CARD9: variants seen among roughly 807,000 people sequenced by gnomAD.
The protein encoded by CARD9 is caspase recruitment domain family member 9.
CARD9 carries 53 observed loss-of-function variants against 66.0 expected under a neutral mutation model. That is an observed-to-expected ratio of 0.80 (90% CI 0.64 to 1.01). The LOEUF is 1.01. Among genes scored for constraint, CARD9 ranks in the 50% least tolerant of loss-of-function variants. The probability of loss-of-function intolerance (pLI) is 0.00; values close to 1 mark genes in which losing one functional copy is unlikely to be tolerated. For missense variants in CARD9, 769 were observed against 743.2 expected (o/e 1.03, Z -0.40); for synonymous variants, 387 against 313.8 (o/e 1.23, Z -2.47).
intron 2 of CARD9, 95 bp downstream of exon 2, chr9:136,371,800 C>G (rs1000395266): frequency 6.6e-7 from 1 of 1,525,778 alleles, no homozygotes; most frequent in African/African-American, 1.4e-5. Context: ...CGGGGCTCTC[C>G]TGGGGTTGAG....
Position 136,364,415 on chromosome 9 carries a change from T to C in CARD9, c.1512-14A>G. ...AGGGCGCGCTTCCTGTGAAGACAGG[T>C]GTCTCAGGCGCGACCCGGCTGCCGC... On this transcript the variant is annotated splice_polypyrimidine_tract_variant and intron_variant, in intron 12 of 12. Coordinates refer to ENST00000371732, the MANE Select transcript of CARD9 (RefSeq NM_052813.5). 3.2e-6 allele frequency: 5 copies of C among 1,545,274 alleles called. No homozygotes were observed. The highest frequency in any genetic ancestry group is 4.4e-6 in the Non-Finnish European group (5 of 1,148,212).
Position 136,364,372 on chromosome 9 carries a change from C to A in CARD9, c.1541G>T (p.Gly514Val). Residue 514 changes from glycine (G) to valine (V), a missense_variant, in exon 13 of 13, where the codon GGA becomes GTA. By Grantham distance (109) the Gly-to-Val change is moderately radical. Coordinates refer to ENST00000371732, the MANE Select transcript of CARD9 (RefSeq NM_052813.5). ...CCGGTCCTCCTCCCCCTGCCGCCAT[C>A]CTTTCTGCATCTTCCTGAGGGCGCG... is the stretch of plus-strand genomic sequence containing the variant. The part of the protein sequence containing the change: ...RKRALRKMQK[G>V]WRQGEEDREN... 1 of 1,567,234 alleles carries A rather than the reference C, an allele frequency of 6.4e-7. No individual in the cohort carries two copies. The highest frequency in any genetic ancestry group is 1.2e-5 in the South Asian group (1 of 85,658).
In CARD9 at chr9:136,365,153, CA is replaced by C; in HGVS notation, c.1421del (p.Leu474CysfsTer9). On this transcript the variant is annotated frameshift_variant, in exon 11 of 13. Transcript: ENST00000371732. LOFTEE classifies it high-confidence loss of function. The part of the protein sequence containing the change: ...PFAALHQEQV[L>X]RNPHDAGLSS... ...GGGGAAGCCTTACATGGGGGTTCCG[CA>C]AAACCTGCTCCTGGTGCAGAGCTGC... 6.2e-7 allele frequency: 1 copy of C among 1,612,186 alleles called. No homozygotes were observed.
intron 2 of CARD9, 67 bp from the exon 3 acceptor site, chr9:136,371,528 C>T: frequency 1.2e-5 from 8 of 690,198 alleles, no homozygotes; most frequent in Admixed American, 4.7e-5. Context: ...GTGGGTGGGC[C>T]TGGGGGCAGG....
chr9:136,367,094 A>ACCCAG (rs2131436557), intron 9 of CARD9, 122 bp downstream of exon 9: 3 of 1,256,316 alleles, frequency 2.4e-6, no homozygotes, highest in African/African-American at 1.5e-5. Flanking sequence ...CTCTTCCTCC[A>ACCCAG]CCCAGCCCAG....
At position 136,367,733 on chromosome 9, in the gene CARD9, C is replaced by T. The variant is rs1833158683; in HGVS notation, c.1173G>A (p.Lys391=). The T allele has an allele frequency of 1.9e-6, 3 of 1,605,624 alleles. 1 individual carries two copies. The Middle Eastern group carries it at 5.0e-4, about 265-fold the overall frequency. ...ACACCTGCAGCTGCAGCTCATCCGC[C>T]TTCTCGCCCAGCTCCCGCACCTGCT... ...LRKQVRELGE[K]ADELQLQVFQ... Residue 391 remains lysine (K), a synonymous_variant, in exon 8 of 13, where the codon AAG becomes AAA. Coordinates refer to ENST00000371732, the MANE Select transcript of CARD9 (RefSeq NM_052813.5).
chr9:136,366,379 C>T (rs959905369), intron 10 of CARD9: 1 of 223,278 alleles, frequency 4.5e-6, no homozygotes, highest in East Asian at 1.1e-4. Context: ...CATCTTCTAG[C>T]TTCATGCACC....
chr9:136,366,635 G>A (rs1204606871), intron 10 of CARD9, 165 bp downstream of exon 10: 2 of 753,540 alleles, frequency 2.7e-6, no homozygotes, highest in Non-Finnish European at 4.6e-6. Context: ...TTGTTCTCTA[G>A]GTGACCTTGA....
chr9:136,371,427 G>A lies in CARD9; in HGVS notation c.219C>T (p.His73=). The A allele has an allele frequency of 6.3e-7, 1 of 1,585,424 alleles. No homozygotes were observed. The highest frequency in any genetic ancestry group is 8.6e-7 in the Non-Finnish European group (1 of 1,165,466). The change falls in exon 3 of 13, where the codon CAC becomes CAT. Residue 73 remains histidine (H), a synonymous_variant. Transcript: ENST00000371732. ...TCTCGAGGAAGGCCACGTAGCCCTT[G>A]TGGCCGGTCCGCTGCAGGATGTCCA... is the stretch of plus-strand genomic sequence containing the variant. ...VLLDILQRTG[H]KGYVAFLESL... is the part of the protein sequence containing the mutation.
At position 136,369,739 on chromosome 9, in the gene CARD9, C is replaced by A; in HGVS notation, c.1077+11G>T. ...AGTGGGGTGCTTTGTCCTGCCCCTG[C>A]GAGTGCCCACCTGGTCCCGCTCAAT... On this transcript the variant is annotated intron_variant, in intron 7 of 12. Transcript: ENST00000371732. The A allele has an allele frequency of 6.3e-7, 1 of 1,587,500 alleles. No homozygotes were observed. Among genetic ancestry groups the A allele is most frequent in the Non-Finnish European group, 8.6e-7 (1 of 1,167,740 alleles).
chr9:136,371,368 T>C lies in CARD9; in HGVS notation c.278A>G (p.Lys93Arg). 5 of 1,601,976 alleles carry C rather than the reference T, an allele frequency of 3.1e-6. No individual in the cohort carries two copies. The highest frequency in any genetic ancestry group is 3.4e-6 in the Non-Finnish European group (4 of 1,174,764). Reference protein sequence around the residue: ...LELYYPQLYKKVTGKEPARVF... With the variant: ...LELYYPQLYKRVTGKEPARVF... ...GCGGGCCGGCTCCTTGCCTGTGACC[T>C]TCTTGTACAGCTGCGGGTAGTAGAG... The change falls in exon 3 of 13, where the codon AAG becomes AGG. Residue 93 changes from lysine (K) to arginine (R), a missense_variant. Transcript: ENST00000371732.
At chr9:136,371,512 GCTGGGGTGGGT>G in intron 2 of CARD9, 51 bp from the exon 3 acceptor site, 3 of 1,523,190 alleles carry the variant, frequency 2.0e-6, no homozygotes, top group South Asian at 1.2e-5. Context: ...GAGGCAGAGG[GCTGGGGTGGGT>G]GGGCCTGGGG....
At chr9:136,370,137 G>T in intron 6 of CARD9, 157 bp downstream of exon 6, 2 of 1,442,676 alleles carry the variant, frequency 1.4e-6, no homozygotes, top group Non-Finnish European at 9.2e-7. Context: ...AGGCGGGCAA[G>T]GAGAGGGCAC....
intron 7 of CARD9, among the ~76,000 whole-genome samples, chr9:136,369,129 A>G (rs144445953): frequency 0.012 from 1,772 of 151,708 alleles, 34 homozygotes; most frequent in African/African-American, 0.04. Context: ...CAATTTTTGC[A>G]TTTTTTTGTA....
rs905440543 is a variant in CARD9 at position 136,371,442 on chromosome 9, C to T, written c.204G>A (p.Leu68=). The change falls in exon 3 of 13, where the codon CTG becomes CTA. Residue 68 remains leucine (L), a synonymous_variant. Transcript: ENST00000371732. The part of the protein sequence containing the change: ...KRKVGVLLDI[L]QRTGHKGYVA... ...CGTAGCCCTTGTGGCCGGTCCGCTG[C>T]AGGATGTCCAGGAGCACACCTGCGG... 6.3e-7 allele frequency: 1 copy of T among 1,579,788 alleles called. No homozygotes were observed. Among genetic ancestry groups the T allele is most frequent in the Non-Finnish European group, 8.6e-7 (1 of 1,162,364 alleles).
chr9:136,367,990 G>A (rs760859865), intron 7 of CARD9, 162 bp from the exon 8 acceptor site: 141 of 1,425,594 alleles, frequency 9.9e-5, no homozygotes, highest in Non-Finnish European at 1.3e-4. Flanking sequence ...CGGACACGAA[G>A]TCAGCACGTG....
chr9:136,370,359 C>G lies in CARD9; in HGVS notation c.886G>C (p.Glu296Gln). 6.2e-7 allele frequency: 1 copy of G among 1,610,014 alleles called. No homozygotes were observed. The highest frequency in any genetic ancestry group is 8.5e-7 in the Non-Finnish European group (1 of 1,179,152). The stretch of plus-strand genomic sequence containing the variant: ...AGGGAGAAGATGGTGTTGGCCTGCT[C>G]CTGGTGGTCCCGCAGCGCCTGCCGC... ...DWRQALRDHQ[E>Q]QANTIFSLRK... Residue 296 changes from glutamate (E) to glutamine (Q), a missense_variant, in exon 6 of 13, where the codon GAG becomes CAG. Physicochemically the swap from Glu to Gln is conservative, Grantham distance 29. Transcript: ENST00000371732.
intron 9 of CARD9, 146 bp from the exon 10 acceptor site, chr9:136,366,991 C>A: frequency 9.1e-7 from 1 of 1,102,600 alleles, no homozygotes; most frequent in Non-Finnish European, 1.4e-6. Flanking sequence ...CTCAGGTGCC[C>A]AGCAGACGGA....
intron 7 of CARD9, among the ~76,000 whole-genome samples, chr9:136,369,279 A>T (rs1398896915): frequency 6.6e-6 from 1 of 152,224 alleles, no homozygotes; most frequent in East Asian, 1.9e-4. Context: ...GATTAAAAAA[A>T]GCTACTGGTA....
Sources: gnomAD v4.1 joint callset for allele counts (sites outside exome capture counted in the v4.1 genomes callset) on GRCh38, gnomAD v4.1.1 for gene constraint, MANE v1.5 for transcripts, NCBI Gene and HGNC (gene_info 2026-07-23, HGNC 2026-07-21) for gene names.